LRRC20: variants seen among roughly 807,000 people sequenced by gnomAD.
LRRC20 encodes leucine-rich repeat-containing protein 20.
Under a neutral mutation model 14.4 loss-of-function variants are expected in LRRC20, and 11 were observed. The observed-to-expected ratio is 0.77, with a 90% CI of 0.48 to 1.27. The LOEUF (loss-of-function observed/expected upper bound fraction) is 1.27, where lower values mean the gene tolerates loss of function less well. Among genes scored for constraint, LRRC20 ranks in the 50% most tolerant of loss-of-function variants. The pLI, the probability that LRRC20 is intolerant of heterozygous loss-of-function variation, is 0.00. For missense variants in LRRC20, 219 were observed against 251.2 expected, an observed-to-expected ratio of 0.87 and a Z score of 0.87; for synonymous variants, 121 against 107.3, an observed-to-expected ratio of 1.13 and a Z score of -0.79.
intron 2 of LRRC20, among the ~76,000 whole-genome samples, chr10:70,374,694 G>A (rs1436019346): frequency 2.6e-5 from 4 of 152,054 alleles, no homozygotes; most frequent in Admixed American, 2.6e-4. Flanking sequence ...GACATCTGTC[G>A]ATTTGCACTG....
At chr10:70,344,390 C>T (rs937035703) in intron 2 of LRRC20, among the ~76,000 whole-genome samples, 23 of 152,064 alleles carry the variant, frequency 1.5e-4, no homozygotes, top group Non-Finnish European at 2.4e-4. Flanking sequence ...CTCAGCAAAG[C>T]GGCTAATCAA....
intron 4 of LRRC20, among the ~76,000 whole-genome samples, chr10:70,303,182 C>T (rs1271191614): frequency 6.6e-6 from 1 of 152,062 alleles, no homozygotes; most frequent in African/African-American, 2.4e-5. Context: ...CTATTATGTG[C>T]ATAAAGAATA....
At chr10:70,307,326 T>C (rs982292434) in intron 4 of LRRC20, among the ~76,000 whole-genome samples, 1 of 152,208 alleles carries the variant, frequency 6.6e-6, no homozygotes, top group African/African-American at 2.4e-5. Context: ...TAGGAGCCAA[T>C]GTGGGAAAGT....
intron 4 of LRRC20, among the ~76,000 whole-genome samples, chr10:70,311,476 C>T (rs111815532): frequency 0.012 from 1,822 of 152,212 alleles, 43 homozygotes; most frequent in African/African-American, 0.032. Context: ...CCTGCCTCGG[C>T]CTCCCAAAGT....
intron 1 of LRRC20, chr10:70,381,609 G>A (rs1325051202): frequency 6.6e-6 from 1 of 152,322 alleles, no homozygotes; most frequent in Non-Finnish European, 1.5e-5. Flanking sequence ...GTTAGAGCCT[G>A]GCAGGGGCTC....
intron 4 of LRRC20, among the ~76,000 whole-genome samples, chr10:70,314,073 G>A (rs941555806): frequency 3.9e-5 from 6 of 152,146 alleles, no homozygotes; most frequent in African/African-American, 1.2e-4. Context: ...ATCAGATCTC[G>A]TGAGACTTAT....
intron 4 of LRRC20, among the ~76,000 whole-genome samples, chr10:70,319,360 G>T (rs1841993240): frequency 6.6e-6 from 1 of 152,170 alleles, no homozygotes; most frequent in African/African-American, 2.4e-5. Context: ...AGCACGTGGT[G>T]AGGCCCTACT....
At chr10:70,351,884 G>A (rs1453967732) in intron 2 of LRRC20, among the ~76,000 whole-genome samples, 18 of 152,108 alleles carry the variant, frequency 1.2e-4, no homozygotes, top group Admixed American at 1.2e-3. Flanking sequence ...TTACTCTCTA[G>A]TGGAAATCAG....
chr10:70,316,338 G>A (rs992558599), intron 4 of LRRC20, among the ~76,000 whole-genome samples: 5 of 152,036 alleles, frequency 3.3e-5, no homozygotes, highest in South Asian at 2.1e-4. Context: ...TCACCACATC[G>A]GCCAGGCCAG....
intron 4 of LRRC20, among the ~76,000 whole-genome samples, chr10:70,305,931 G>A (rs191794416): frequency 6.6e-6 from 1 of 152,102 alleles, no homozygotes; most frequent in African/African-American, 2.4e-5. Flanking sequence ...TAGTAGAGAC[G>A]GGATTTCACC....
At chr10:70,330,387 T>C (rs1842492056) in intron 3 of LRRC20, among the ~76,000 whole-genome samples, 1 of 152,204 alleles carries the variant, frequency 6.6e-6, no homozygotes, top group Non-Finnish European at 1.5e-5. Context: ...GCCAAATTTA[T>C]AAGAATAAAG....
At chr10:70,333,342 G>A (rs1306170047) in intron 3 of LRRC20, among the ~76,000 whole-genome samples, 1 of 152,216 alleles carries the variant, frequency 6.6e-6, no homozygotes, top group African/African-American at 2.4e-5. Context: ...GACCCAGGAT[G>A]GAAGCGATGC....
At chr10:70,372,445 G>GTTT (rs35874508) in intron 2 of LRRC20, among the ~76,000 whole-genome samples, 27 of 133,298 alleles carry the variant, frequency 2.0e-4, no homozygotes, top group South Asian at 7.1e-4. Context: ...CCTTCTTTTC[G>GTTT]TTTTTTTTTT....
chr10:70,325,715 C>G (rs976435248), intron 3 of LRRC20, among the ~76,000 whole-genome samples: 3 of 152,214 alleles, frequency 2.0e-5, no homozygotes, highest in Non-Finnish European at 1.5e-5. Context: ...CTGGTAAGGG[C>G]AGAAACCTAG....
At chr10:70,306,119 T>G (rs1049823772) in intron 4 of LRRC20, among the ~76,000 whole-genome samples, 11 of 151,600 alleles carry the variant, frequency 7.3e-5, no homozygotes, top group Non-Finnish European at 1.2e-4. Context: ...TCTCTCTCTC[T>G]CTCTCTCTCC....
At position 70,305,889 on chromosome 10, in the gene LRRC20, C is replaced by T. The variant is rs565392235; in HGVS notation, c.401-4381G>A. On this transcript the variant is annotated intron_variant, in intron 4 of 4. Transcript: ENST00000446961. Reference sequence around the variant, plus strand: ...CCAAGTAGCTGGGACTACAGGTGCCCGCCACCACGCCCGGCTAATTTTTTA... The same window carrying T: ...CCAAGTAGCTGGGACTACAGGTGCCTGCCACCACGCCCGGCTAATTTTTTA... Among the ~76,000 whole-genome samples, 376 of 151,996 alleles carry T rather than the reference C, an allele frequency of 2.5e-3. 4 individuals carry two copies. Among genetic ancestry groups the T allele is most frequent in the African/African-American group, 8.6e-3 (355 of 41,456 alleles).
At chr10:70,345,617 A>G (rs975647069) in intron 2 of LRRC20, among the ~76,000 whole-genome samples, 3 of 152,232 alleles carry the variant, frequency 2.0e-5, no homozygotes, top group Admixed American at 6.5e-5. Context: ...CCTGAGAAGG[A>G]AAGGACGTAA....
chr10:70,379,038 T>G (rs890467535), intron 1 of LRRC20, among the ~76,000 whole-genome samples: 6 of 152,204 alleles, frequency 3.9e-5, no homozygotes, highest in African/African-American at 1.2e-4. Context: ...TGTGCTTCTC[T>G]CCACACACTG....
In LRRC20 at chr10:70,370,609, G is replaced by A. The variant is rs140089503; in HGVS notation, c.82+5843C>T. Among the ~76,000 whole-genome samples the A allele has an allele frequency of 2.9e-3, 434 of 152,162 alleles. 2 individuals are homozygous for A. The highest frequency in any genetic ancestry group is 9.9e-3 in the African/African-American group (409 of 41,494). Reference sequence around the variant, plus strand: ...AAATTAAAAATTAACCAGGTGTGGCGGCACACACCTGTAACCCCAGCTACT... The same window carrying A: ...AAATTAAAAATTAACCAGGTGTGGCAGCACACACCTGTAACCCCAGCTACT... On this transcript the variant is annotated intron_variant, in intron 2 of 4. Coordinates refer to ENST00000446961, the MANE Select transcript of LRRC20 (RefSeq NM_001278212.2).
Sources: allele counts gnomAD v4.1 joint callset (sites outside exome capture counted in the v4.1 genomes callset), GRCh38; gene constraint gnomAD v4.1.1; transcripts MANE v1.5; gene names NCBI Gene and HGNC (gene_info 2026-07-23, HGNC 2026-07-21).